The following GLIS3 variants were observed in gnomAD, a reference collection of about 807,000 sequenced individuals.
GLIS3 encodes the protein zinc finger protein GLIS3.
Under a neutral mutation model 78.6 loss-of-function variants are expected in GLIS3, and 53 were observed. The observed-to-expected ratio is 0.67, with a 90% CI of 0.54 to 0.85. The LOEUF (loss-of-function observed/expected upper bound fraction) is 0.85. Ranked by LOEUF, GLIS3 falls within the 40% of genes least tolerant of loss-of-function variation. GLIS3 has a pLI of 0.00. For missense variants in GLIS3, 1,703 were observed against 1,231.1 expected (o/e 1.38, Z -5.74); for synonymous variants, 684 against 509.9 (o/e 1.34, Z -4.60).
In GLIS3 at chr9:3,825,869, C is replaced by T. The variant is rs1365855992; in HGVS notation, c.*2403G>A. On this transcript the variant is annotated 3_prime_UTR_variant, in exon 11 of 11. Coordinates refer to ENST00000381971, the MANE Select transcript of GLIS3 (RefSeq NM_001042413.2). ...GCATGCTCTCTCTGAGATAAAATGT[C>T]CCTCTGGGGCTCCACATTGATTTCC... 6.6e-6 allele frequency: 1 copy of T among 152,250 alleles called. No individual in the cohort carries two copies. Among genetic ancestry groups the T allele is most frequent in the African/African-American group, 2.4e-5 (1 of 41,418 alleles). The allele number at this position is 152,250 out of a possible 1,614,324, so 9.4% of individuals were successfully genotyped here.
At chr9:4,339,535 G>T (rs1169603790) in intron 2 of GLIS3, among the ~76,000 whole-genome samples, 1 of 151,420 alleles carries the variant, frequency 6.6e-6, no homozygotes, top group Non-Finnish European at 1.5e-5. Flanking sequence ...AGGTGCAGAG[G>T]TTTGGATTGC....
At chr9:4,382,229 G>A in the GLIS3 span, among the ~76,000 whole-genome samples, 1 of 152,082 alleles carries the variant, frequency 6.6e-6, no homozygotes, top group African/African-American at 2.4e-5. Flanking sequence ...GAAAAATCAG[G>A]GTAAATATTA....
At chr9:4,178,305 A>C (rs935122472) in intron 2 of GLIS3, among the ~76,000 whole-genome samples, 1 of 152,004 alleles carries the variant, frequency 6.6e-6, no homozygotes, top group Non-Finnish European at 1.5e-5. Flanking sequence ...TTACTCTTCT[A>C]GGTCACTTTT....
chr9:4,400,765 C>T, the GLIS3 span, among the ~76,000 whole-genome samples: 1 of 152,290 alleles, frequency 6.6e-6, no homozygotes, highest in African/African-American at 2.4e-5. Context: ...GTCATGAGGA[C>T]CCTGCTCCAG....
chr9:4,487,402 G>A, the GLIS3 span, among the ~76,000 whole-genome samples: 1 of 152,058 alleles, frequency 6.6e-6, no homozygotes, highest in Non-Finnish European at 1.5e-5. Context: ...ACCTCCATGA[G>A]GTAAAGATAA....
the GLIS3 span, among the ~76,000 whole-genome samples, chr9:4,435,683 C>A: frequency 2.0e-5 from 3 of 152,194 alleles, no homozygotes; most frequent in Non-Finnish European, 4.4e-5. Flanking sequence ...GGCGCGGTGG[C>A]TCACGCCTGT....
the GLIS3 span, among the ~76,000 whole-genome samples, chr9:4,396,823 G>C: frequency 6.6e-6 from 1 of 152,048 alleles, no homozygotes; most frequent in Non-Finnish European, 1.5e-5. Context: ...AGTCCATTGA[G>C]TTACGGGCTT....
At chr9:4,404,997 G>T in the GLIS3 span, among the ~76,000 whole-genome samples, 1 of 152,102 alleles carries the variant, frequency 6.6e-6, no homozygotes, top group African/African-American at 2.4e-5. Context: ...GAAAAAAAGA[G>T]GGGAGACCCA....
the GLIS3 span, among the ~76,000 whole-genome samples, chr9:4,462,064 G>A: frequency 2.6e-5 from 4 of 152,178 alleles, no homozygotes; most frequent in African/African-American, 9.7e-5. Context: ...GAGTTGGCAT[G>A]TCTGTGTTAC....
At chr9:3,969,228 G>A (rs928766978) in intron 4 of GLIS3, among the ~76,000 whole-genome samples, 3 of 152,196 alleles carry the variant, frequency 2.0e-5, no homozygotes, top group African/African-American at 7.2e-5. Context: ...TCAGCACAAA[G>A]TGAAGATTCA....
At chr9:4,243,768 C>T (rs377244157) in intron 2 of GLIS3, among the ~76,000 whole-genome samples, 5 of 152,146 alleles carry the variant, frequency 3.3e-5, no homozygotes, top group African/African-American at 4.8e-5. Flanking sequence ...GTGTAATCCA[C>T]GTTGAAGGTG....
intron 4 of GLIS3, among the ~76,000 whole-genome samples, chr9:4,043,247 A>G (rs930073523): frequency 6.6e-6 from 1 of 151,980 alleles, no homozygotes; most frequent in Non-Finnish European, 1.5e-5. Context: ...AAGGGGCCAG[A>G]GGTGGTTCTG....
chr9:4,058,998 A>G (rs918530635), intron 4 of GLIS3, among the ~76,000 whole-genome samples: 36 of 151,972 alleles, frequency 2.4e-4, no homozygotes, highest in Admixed American at 1.1e-3. Context: ...AAAAAAAAAA[A>G]AAGAAAAAAA....
At chr9:4,263,266 G>C (rs1298053799) in intron 2 of GLIS3, among the ~76,000 whole-genome samples, 3 of 152,168 alleles carry the variant, frequency 2.0e-5, no homozygotes, top group Non-Finnish European at 1.5e-5. Flanking sequence ...AGGTGATTCT[G>C]TGTTGATGGG....
At chr9:4,204,666 C>A (rs1819696796) in intron 2 of GLIS3, among the ~76,000 whole-genome samples, 1 of 152,236 alleles carries the variant, frequency 6.6e-6, no homozygotes, top group Middle Eastern at 3.4e-3. Context: ...ACCTGTAATC[C>A]TAGCACTTTG....
chr9:4,328,692 G>A (rs987760564), intron 2 of GLIS3, among the ~76,000 whole-genome samples: 1 of 152,230 alleles, frequency 6.6e-6, no homozygotes, highest in Non-Finnish European at 1.5e-5. Context: ...TATAGCTTGT[G>A]ACCTTGGGTG....
At chr9:4,275,920 A>G (rs540909856) in intron 2 of GLIS3, among the ~76,000 whole-genome samples, 3 of 152,284 alleles carry the variant, frequency 2.0e-5, no homozygotes, top group Admixed American at 6.5e-5. Context: ...GAGATAATCA[A>G]TATGAAAGTT....
rs548347182 is a variant in GLIS3 at position 4,335,560 on chromosome 9, G to A, written n.264+11521C>T. On this transcript the variant is annotated intron_variant and non_coding_transcript_variant, in intron 2 of 4. Coordinates refer to the GLIS3 transcript ENST00000471664. ...ACAGGCAGAATTCAGTGGTTCTGGT[G>A]TCTATCTCCCTCACCAGCCCTGGGG... Among the ~76,000 whole-genome samples the A allele has an allele frequency of 2.0e-5, 3 of 152,280 alleles. No homozygotes were observed. In the South Asian group the frequency reaches 6.2e-4, roughly 32 times the overall value.
intron 4 of GLIS3, among the ~76,000 whole-genome samples, chr9:3,964,590 A>T (rs2130895577): frequency 6.6e-6 from 1 of 152,340 alleles, no homozygotes; most frequent in East Asian, 1.9e-4. Context: ...ACAAGGATCA[A>T]TTATTCTCCA....
Sources: gnomAD v4.1 joint callset for allele counts (sites outside exome capture counted in the v4.1 genomes callset) on GRCh38, gnomAD v4.1.1 for gene constraint, MANE v1.5 for transcripts, NCBI Gene and HGNC (gene_info 2026-07-23, HGNC 2026-07-21) for gene names.